ASS1: variants seen among roughly 807,000 people sequenced by gnomAD.
ASS1 encodes argininosuccinate synthase.
In ASS1, 58 loss-of-function variants were observed where a neutral mutation model predicts 60.5. The observed-to-expected ratio is 0.96, with a 90% CI of 0.78 to 1.19. The LOEUF (loss-of-function observed/expected upper bound fraction) is 1.19, where lower values mean the gene tolerates loss of function less well. Among genes scored for constraint, ASS1 ranks in the 50% most tolerant of loss-of-function variants. ASS1 has a pLI of 0.00. For synonymous variants in ASS1, 200 were observed against 206.9 expected (o/e 0.97, Z 0.29); for missense variants, 454 against 547.3 (o/e 0.83, Z 1.70).
intron 6 of ASS1, among the ~76,000 whole-genome samples, chr9:130,469,006 G>A (rs867084688): frequency 6.6e-6 from 1 of 152,158 alleles, no homozygotes; most frequent in Non-Finnish European, 1.5e-5. Context: ...TTTCCTCCCC[G>A]CCCTTTAGCC....
chr9:130,468,403 C>T (rs1332403302), intron 6 of ASS1, among the ~76,000 whole-genome samples: 1 of 140,118 alleles, frequency 7.1e-6, no homozygotes, highest in Admixed American at 7.1e-5. Flanking sequence ...GTCACTGTCA[C>T]CATAATTTAA....
chr9:130,461,535 C>T (rs1410480471), intron 4 of ASS1, among the ~76,000 whole-genome samples: 1 of 152,194 alleles, frequency 6.6e-6, no homozygotes, highest in East Asian at 1.9e-4. Flanking sequence ...TCAGAAGACC[C>T]AACAGGGACG....
rs911996856 is a variant in ASS1, at chr9:130,477,219, T to C, written c.688+258T>C. Among the ~76,000 whole-genome samples the C allele has an allele frequency of 7.9e-5, 12 of 152,160 alleles. No individual in the cohort carries two copies. The highest frequency in any genetic ancestry group is 2.9e-4 in the African/African-American group (12 of 41,436). On this transcript the variant is annotated intron_variant, in intron 9 of 14. Transcript: ENST00000352480. The surrounding 1 kb of genome is among the most constrained non-coding windows in gnomAD (Gnocchi z 4.2). ...GGGTTCATGGGCACCAGGTCTGGAA[T>C]GAGAGCGCTCTAGTCCCTGAACAGC...
chr9:130,495,485 A>G (rs1490186258), intron 13 of ASS1, among the ~76,000 whole-genome samples: 1 of 150,948 alleles, frequency 6.6e-6, no homozygotes, highest in African/African-American at 2.4e-5. Flanking sequence ...ACACACACAC[A>G]CACACACACA....
chr9:130,484,796 AACGCAC>A (rs1846264151), intron 11 of ASS1, among the ~76,000 whole-genome samples: 1 of 114,552 alleles, frequency 8.7e-6, no homozygotes, highest in Non-Finnish European at 1.8e-5. Flanking sequence ...AAGAGCTTTA[AACGCAC>A]ACACACACAC....
At position 130,489,536 on chromosome 9, in the gene ASS1, G is replaced by C; in HGVS notation, c.970+72G>C. ...TCCCAAAGTACTATCAGGCTCTCGG[G>C]CCTGGCCCTCCCCTCCGTATCAGCA... On this transcript the variant is annotated intron_variant, in intron 12 of 14. Coordinates refer to ENST00000352480, the MANE Select transcript of ASS1 (RefSeq NM_054012.4). This position sits in a 1 kb window ranked among gnomAD's most constrained non-coding sequence, Gnocchi z 4.1. 1 of 1,609,510 alleles carries C rather than the reference G, an allele frequency of 6.2e-7. No homozygotes were observed. The highest frequency in any genetic ancestry group is 1.3e-5 in the African/African-American group (1 of 74,948).
At position 130,470,210 on chromosome 9, in the gene ASS1, T is replaced by A. The variant is rs964417686; in HGVS notation, c.496-624T>A. 1.3e-5 allele frequency among the ~76,000 whole-genome samples: 2 copies of A among 152,188 alleles called. No homozygotes were observed. The highest frequency in any genetic ancestry group is 2.9e-5 in the Non-Finnish European group (2 of 68,030). On this transcript the variant is annotated intron_variant, in intron 6 of 14. Coordinates refer to ENST00000352480, the MANE Select transcript of ASS1 (RefSeq NM_054012.4). The surrounding 1 kb of genome is among the most constrained non-coding windows in gnomAD (Gnocchi z 4.3). ...TCCTGGGCAGAGGTGGGTGTCCTCC[T>A]GTAACAACAGACTGGGCCATTTAGG...
At chr9:130,490,008 G>A (rs1461230680) in intron 12 of ASS1, among the ~76,000 whole-genome samples, 3 of 152,240 alleles carry the variant, frequency 2.0e-5, no homozygotes, top group East Asian at 1.9e-4. Flanking sequence ...CCCCAGTACC[G>A]CAGGAGCCAG....
intron 3 of ASS1, 72 bp from the exon 4 acceptor site, chr9:130,458,329 C>A: frequency 6.3e-7 from 1 of 1,589,758 alleles, no homozygotes; most frequent in South Asian, 1.1e-5. Context: ...CTAGCTGAGG[C>A]CCCTGGGGCT....
chr9:130,460,660 C>T (rs1845567638), intron 4 of ASS1, among the ~76,000 whole-genome samples: 1 of 152,178 alleles, frequency 6.6e-6, no homozygotes, highest in Non-Finnish European at 1.5e-5. Flanking sequence ...GGAGCTATTG[C>T]TGTGGGGGAG....
At chr9:130,474,074 C>CACA (rs1491344454) in intron 8 of ASS1, among the ~76,000 whole-genome samples, 3 of 100,058 alleles carry the variant, frequency 3.0e-5, no homozygotes, top group African/African-American at 7.5e-5. Context: ...CCCCCCCCCC[C>CACA]CACAGATGAC....
intron 4 of ASS1, 49 bp downstream of exon 4, chr9:130,458,638 T>C (rs1588476125): frequency 6.3e-7 from 1 of 1,590,172 alleles, no homozygotes; most frequent in Non-Finnish European, 8.6e-7. Flanking sequence ...GGCGGAGGGG[T>C]GTGGGAAGGA....
At chr9:130,464,001 G>A (rs545867785) in intron 4 of ASS1, 110 bp from the exon 5 acceptor site, 15 of 1,167,472 alleles carry the variant, frequency 1.3e-5, no homozygotes, top group South Asian at 2.5e-5. Flanking sequence ...ATGTGTACAC[G>A]CTCTGCCCAG....
rs746720451 is a variant in ASS1, at chr9:130,458,568, G to A, written c.342G>A (p.Val114=). The A allele has an allele frequency of 1.2e-6, 2 of 1,613,026 alleles. No individual in the cohort carries two copies. Among genetic ancestry groups the A allele is most frequent in the East Asian group, 2.2e-5 (1 of 44,870 alleles). Residue 114 remains valine, a synonymous_variant, in exon 4 of 15, where the codon GTG becomes GTA. Coordinates refer to ENST00000352480, the MANE Select transcript of ASS1 (RefSeq NM_054012.4). Reference sequence around the variant, plus strand: ...CCCAGCGGGAGGGGGCCAAGTATGTGTCCCACGGCGCCACAGGAAAGGTGA... The same window carrying A: ...CCCAGCGGGAGGGGGCCAAGTATGTATCCCACGGCGCCACAGGAAAGGTGA... ...EIAQREGAKY[V]SHGATGKGND...
intron 1 of ASS1, among the ~76,000 whole-genome samples, chr9:130,450,716 C>T (rs960658968): frequency 1.3e-5 from 2 of 152,230 alleles, no homozygotes; most frequent in African/African-American, 4.8e-5. Flanking sequence ...GGACGGGAGG[C>T]CTGGGAAAGG....
At chr9:130,446,842 G>GA (rs1202673150) in intron 1 of ASS1, among the ~76,000 whole-genome samples, 1 of 152,198 alleles carries the variant, frequency 6.6e-6, no homozygotes, top group African/African-American at 2.4e-5. Flanking sequence ...CACCCATGTG[G>GA]AAAGAGGTAA....
chr9:130,491,342 A>G lies in ASS1; in HGVS notation c.970+1878A>G, dbSNP rs529989019. ...CTGGCCGGGCTGCTCCGGGGCCTCC[A>G]CGGAGGCTGATCCCACCGTGGCCGC... On this transcript the variant is annotated intron_variant, in intron 12 of 14. Transcript: ENST00000352480. The surrounding 1 kb of genome is among the most constrained non-coding windows in gnomAD (Gnocchi z 5.3). 4.7e-4 allele frequency among the ~76,000 whole-genome samples: 72 copies of G among 152,266 alleles called. No individual in the cohort carries two copies. The highest frequency in any genetic ancestry group is 1.7e-3 in the African/African-American group (69 of 41,568).
At chr9:130,462,310 C>A (rs1845617151) in intron 4 of ASS1, among the ~76,000 whole-genome samples, 1 of 152,250 alleles carries the variant, frequency 6.6e-6, no homozygotes, top group Admixed American at 6.5e-5. Flanking sequence ...TGCATGTTTA[C>A]ACACGTGTGC....
rs761543323 is a variant in ASS1, at chr9:130,488,860, G to A, written c.839-473G>A. 1.5e-4 allele frequency among the ~76,000 whole-genome samples: 23 copies of A among 152,222 alleles called. No homozygotes were observed. Among genetic ancestry groups the A allele is most frequent in the South Asian group, 4.1e-4 (2 of 4,832 alleles). ...CAGTGGCCTCTGGAGAGACCTGGCC[G>A]CAGGGGCCCCATGGGCTGAAGGTGG... is the stretch of plus-strand genomic sequence containing the variant. On this transcript the variant is annotated intron_variant, in intron 11 of 14. Coordinates refer to ENST00000352480, the MANE Select transcript of ASS1 (RefSeq NM_054012.4). The surrounding 1 kb of genome is among the most constrained non-coding windows in gnomAD (Gnocchi z 5.2).
Sources: gnomAD v4.1 joint callset for allele counts (sites outside exome capture counted in the v4.1 genomes callset) on GRCh38, gnomAD v4.1.1 for gene constraint, Gnocchi (gnomAD v3.1) non-coding constraint, MANE v1.5 for transcripts, NCBI Gene and HGNC (gene_info 2026-07-23, HGNC 2026-07-21) for gene names.